The following STIL variants were observed in gnomAD, a reference collection of about 807,000 sequenced individuals.
STIL encodes the protein STIL centriolar assembly protein, also known as SCL-interrupting locus protein.
STIL carries 55 observed loss-of-function variants against 110.1 expected under a neutral mutation model. That is an observed-to-expected ratio of 0.50 (90% confidence interval 0.40 to 0.63). STIL has a LOEUF of 0.63. Ranked by LOEUF, STIL falls within the 20% of genes least tolerant of loss-of-function variation. The probability of loss-of-function intolerance (pLI) is 0.00; values close to 1 mark genes in which losing one functional copy is unlikely to be tolerated. For missense variants in STIL, 1,358 were observed against 1,530.0 expected (o/e 0.89, Z 1.87); for synonymous variants, 481 against 530.0 (o/e 0.91, Z 1.27).
chr1:47,251,659 T>C lies in STIL; in HGVS notation c.3344A>G (p.Asn1115Ser). Residue 1115 changes from asparagine (N) to serine (S), a missense_variant, in exon 17 of 17, where the codon AAC becomes AGC. Transcript: ENST00000371877. The part of the protein sequence containing the change: ...TVGLSLISPN[N>S]MSFATKKYMK... ...ATATTTTTTGGTTGCAAATGACATG[T>C]TGTTTGGTGAAATTAAACTAAGCCC... 6.2e-7 allele frequency: 1 copy of C among 1,614,204 alleles called. No homozygotes were observed. Among genetic ancestry groups the C allele is most frequent in the Non-Finnish European group, 8.5e-7 (1 of 1,180,016 alleles).
At chr1:47,269,603 T>C in intron 14 of STIL, 32 bp downstream of exon 14, 1 of 1,598,880 alleles carries the variant, frequency 6.3e-7, no homozygotes, top group Non-Finnish European at 8.5e-7. Flanking sequence ...TTTTTGAAAG[T>C]AGGATGAAAG....
chr1:47,264,892 C>A, intron 14 of STIL, among the ~76,000 whole-genome samples: 1 of 139,732 alleles, frequency 7.2e-6, no homozygotes, highest in Non-Finnish European at 1.5e-5. Context: ...AAGCAATTAA[C>A]TTCATTCTAT....
intron 2 of STIL, among the ~76,000 whole-genome samples, chr1:47,309,804 C>T (rs1375269780): frequency 6.6e-6 from 1 of 152,112 alleles, no homozygotes; most frequent in South Asian, 2.1e-4. Flanking sequence ...ACTTGGTATA[C>T]CTAATGTGAA....
intron 2 of STIL, among the ~76,000 whole-genome samples, chr1:47,309,475 G>C (rs1384168162): frequency 6.6e-6 from 1 of 151,946 alleles, no homozygotes; most frequent in East Asian, 1.9e-4. Context: ...GAACACAAGG[G>C]CCAAAATTAA....
intron 16 of STIL, among the ~76,000 whole-genome samples, chr1:47,259,285 C>CT (rs3043082): frequency 0.29 from 21,539 of 75,406 alleles, 5,019 homozygotes; most frequent in African/African-American, 0.39. Context: ...CGCGCCCGGC[C>CT]TTTTTTTTTT....
intron 13 of STIL, among the ~76,000 whole-genome samples, chr1:47,270,293 CAA>C (rs1557722836): frequency 4.1e-5 from 6 of 144,950 alleles, no homozygotes; most frequent in African/African-American, 7.6e-5. Flanking sequence ...CACACACACA[CAA>C]TTACTTAGAA....
At chr1:47,270,251 TATATACACACACACACAC>T (rs1644792184) in intron 13 of STIL, among the ~76,000 whole-genome samples, 3 of 119,216 alleles carry the variant, frequency 2.5e-5, no homozygotes, top group South Asian at 5.5e-4. Flanking sequence ...AATATATATA[TATATACACACACACACAC>T]ACACACACAC....
chr1:47,263,744 GT>G (rs60915271), intron 14 of STIL, among the ~76,000 whole-genome samples: 27 of 98,302 alleles, frequency 2.7e-4, no homozygotes, highest in East Asian at 9.9e-4. Context: ...TTCATTCCAA[GT>G]TTTTTTTTTT....
intron 3 of STIL, 73 bp from the exon 4 acceptor site, chr1:47,302,419 G>T: frequency 1.8e-6 from 2 of 1,104,702 alleles, no homozygotes; most frequent in Non-Finnish European, 2.8e-6. Context: ...ATAAAATGCT[G>T]TCTAAATTAT....
chr1:47,260,378 A>C lies in STIL; in HGVS notation c.2991T>G (p.Asn997Lys), dbSNP rs768572258. Reference sequence around the variant, plus strand: ...GGCTTCTTAGTTGCTTAAGAGTTGCATTAAGGACACAATCTTTGTCCACCA... The same window carrying C: ...GGCTTCTTAGTTGCTTAAGAGTTGCCTTAAGGACACAATCTTTGTCCACCA... Reference protein sequence around the residue: ...SRLVDKDCVLNATLKQLRSLG... With the variant: ...SRLVDKDCVLKATLKQLRSLG... The change falls in exon 16 of 17, where the codon AAT (asparagine) becomes AAG (lysine). Residue 997 changes from asparagine (N) to lysine (K), a missense_variant. Transcript: ENST00000371877. 6.2e-7 allele frequency: 1 copy of C among 1,614,192 alleles called. No homozygotes were observed.
chr1:47,265,568 G>A (rs569473947), intron 14 of STIL, among the ~76,000 whole-genome samples: 2 of 151,720 alleles, frequency 1.3e-5, no homozygotes, highest in South Asian at 4.2e-4. Context: ...ATCATCTGAG[G>A]TCAGGAGTTG....
intron 1 of STIL, chr1:47,313,014 T>C (rs1646180253): frequency 1.3e-5 from 2 of 152,218 alleles, no homozygotes; most frequent in African/African-American, 4.8e-5. Context: ...GATCAAATTA[T>C]TCTCCTGCTT....
chr1:47,281,741 G>A (rs1337175932), intron 11 of STIL, among the ~76,000 whole-genome samples: 2 of 151,968 alleles, frequency 1.3e-5, no homozygotes, highest in Non-Finnish European at 2.9e-5. Context: ...CAAAATACTC[G>A]CTGTGATGAA....
intron 13 of STIL, among the ~76,000 whole-genome samples, chr1:47,270,255 T>TATATATAC (rs775684329): frequency 1.6e-4 from 19 of 119,410 alleles, no homozygotes; most frequent in African/African-American, 5.3e-4. Context: ...TATATATATA[T>TATATATAC]ACACACACAC....
intron 11 of STIL, 34 bp downstream of exon 11, chr1:47,282,311 C>CACA (rs1372021714): frequency 3.5e-6 from 5 of 1,428,648 alleles, no homozygotes; most frequent in African/African-American, 1.4e-5. Context: ...GGTCTCTAAC[C>CACA]ACAAAAGTGA....
At chr1:47,266,225 G>A (rs1389554600) in intron 14 of STIL, among the ~76,000 whole-genome samples, 1 of 152,170 alleles carries the variant, frequency 6.6e-6, no homozygotes, top group East Asian at 1.9e-4. Flanking sequence ...ATGTTTCTCT[G>A]TAGTTTTCTG....
chr1:47,287,094 G>T (rs1306004551), intron 10 of STIL, among the ~76,000 whole-genome samples: 2 of 152,082 alleles, frequency 1.3e-5, no homozygotes, highest in African/African-American at 4.8e-5. Context: ...TGGGGACGAT[G>T]GTTCACACAC....
chr1:47,282,221 T>C (rs1008601292), intron 11 of STIL, 124 bp downstream of exon 11: 8 of 688,224 alleles, frequency 1.2e-5, no homozygotes, highest in African/African-American at 3.6e-5. Context: ...ACCATAGAGA[T>C]AGAAATAGCT....
chr1:47,274,751 G>GTTT (rs2148902300), intron 12 of STIL, among the ~76,000 whole-genome samples: 1 of 151,934 alleles, frequency 6.6e-6, no homozygotes, highest in Non-Finnish European at 1.5e-5. Context: ...TAAAGCTGTG[G>GTTT]GTGATTAAAT....
Sources: allele counts gnomAD v4.1 joint callset (sites outside exome capture counted in the v4.1 genomes callset), GRCh38; gene constraint gnomAD v4.1.1; transcripts MANE v1.5; gene names NCBI Gene and HGNC (gene_info 2026-07-23, HGNC 2026-07-21).